RAB15: variants seen among roughly 807,000 people sequenced by gnomAD.
The protein encoded by RAB15 is ras-related protein Rab-15.
Under a neutral mutation model 31.8 loss-of-function variants are expected in RAB15, and 13 were observed. That is an observed-to-expected ratio of 0.41 (90% CI 0.27 to 0.65). RAB15 has a LOEUF of 0.65. RAB15 is among the 30% of genes least tolerant of loss of function. RAB15 has a pLI of 0.32. For missense variants in RAB15, 220 were observed against 277.3 expected, an observed-to-expected ratio of 0.79 and a Z score of 1.47; for synonymous variants, 100 against 105.6, an observed-to-expected ratio of 0.95 and a Z score of 0.33.
rs1317515088 is a variant in RAB15, at chr14:64,953,119, AAAG to A, written c.125-551_125-549del. ...TCAGCACCCAGCCAAGGCTCACCAA[AAAG>A]AAGGCCTCATGCGTCTTGGTTGCTG... On this transcript the variant is annotated intron_variant, in intron 1 of 6. Transcript: ENST00000533601. This position sits in a 1 kb window ranked among gnomAD's most constrained non-coding sequence, Gnocchi z 4.6. Among the ~76,000 whole-genome samples, 2 of 152,130 alleles carry A rather than the reference AAAG, an allele frequency of 1.3e-5. No homozygotes were observed. The highest frequency in any genetic ancestry group is 4.8e-5 in the African/African-American group (2 of 41,422).
chr14:64,948,103 G>C lies in RAB15; in HGVS notation c.*251C>G, dbSNP rs1886014640. 2.1e-5 allele frequency: 9 copies of C among 429,958 alleles called. No individual in the cohort carries two copies. Among genetic ancestry groups the C allele is most frequent in the Non-Finnish European group, 3.7e-5 (9 of 245,346 alleles). The allele number at this position is 429,958 out of a possible 1,614,324, so 26.6% of individuals were successfully genotyped here. On this transcript the variant is annotated 3_prime_UTR_variant, in exon 7 of 7. Coordinates refer to ENST00000533601, the MANE Select transcript of RAB15 (RefSeq NM_001308154.2). The surrounding 1 kb of genome is among the most constrained non-coding windows in gnomAD (Gnocchi z 7.0). ...AGACAGTGCTTGCGGCACATCGTGG[G>C]GGTCGTAGCAGGCCTGTGGCTGGGG...
At chr14:64,965,320 G>T (rs781238389) in intron 1 of RAB15, among the ~76,000 whole-genome samples, 1 of 151,992 alleles carries the variant, frequency 6.6e-6, no homozygotes, top group Non-Finnish European at 1.5e-5. Context: ...TTAGCCAGGT[G>T]TGGTGGTGCA....
chr14:64,964,614 C>T (rs1018036790), intron 1 of RAB15, among the ~76,000 whole-genome samples: 11 of 151,744 alleles, frequency 7.2e-5, no homozygotes, highest in South Asian at 2.1e-4. Flanking sequence ...CTTGCTCTGT[C>T]GCCCAGGCTG....
chr14:64,970,119 AAAC>A lies in RAB15; in HGVS notation c.124+1831_124+1833del, dbSNP rs1233175499. Among the ~76,000 whole-genome samples the A allele has an allele frequency of 6.6e-6, 1 of 152,200 alleles. No homozygotes were observed. Among genetic ancestry groups the A allele is most frequent in the Non-Finnish European group, 1.5e-5 (1 of 68,038 alleles). ...GGAATGGGACTAGGAGAGCAGGTGCAAACAACAGCTCTTCAGGCCAAAGCCAGG... is the reference window on the plus strand; with the variant it reads ...GGAATGGGACTAGGAGAGCAGGTGCAAACAGCTCTTCAGGCCAAAGCCAGG... On this transcript the variant is annotated intron_variant, in intron 1 of 6. Coordinates refer to ENST00000533601, the MANE Select transcript of RAB15 (RefSeq NM_001308154.2). This position sits in a 1 kb window ranked among gnomAD's most constrained non-coding sequence, Gnocchi z 4.1.
intron 1 of RAB15, among the ~76,000 whole-genome samples, chr14:64,963,366 G>A (rs999638520): frequency 5.9e-5 from 9 of 152,104 alleles, no homozygotes; most frequent in Admixed American, 2.0e-4. Context: ...ACTGCCTTGT[G>A]CACAGACCTC....
Position 64,950,226 on chromosome 14 carries a change from C to G in RAB15, c.414+99G>C. The G allele has an allele frequency of 1.0e-6, 1 of 973,300 alleles. No individual in the cohort carries two copies. The highest frequency in any genetic ancestry group is 1.3e-5 in the South Asian group (1 of 77,374). 60.3% of individuals were successfully genotyped at this position (973,300 alleles called of 1,614,324 possible). On this transcript the variant is annotated intron_variant, in intron 5 of 6. Transcript: ENST00000533601. The surrounding 1 kb of genome is among the most constrained non-coding windows in gnomAD (Gnocchi z 5.6). ...GGGTGCTGGGGACGTGTGGGAGGACCTGCCACTGGGGAACACACCCCTAGG... is the reference window on the plus strand; with the variant it reads ...GGGTGCTGGGGACGTGTGGGAGGACGTGCCACTGGGGAACACACCCCTAGG...
chr14:64,964,481 C>G (rs569192852), intron 1 of RAB15, among the ~76,000 whole-genome samples: 2 of 143,660 alleles, frequency 1.4e-5, no homozygotes, highest in Non-Finnish European at 3.0e-5. Context: ...GAGATCTCCA[C>G]TGCAATCCAG....
In RAB15 at chr14:64,972,043, G is replaced by C; in HGVS notation, c.34C>G (p.Leu12Val). Residue 12 changes from leucine to valine, a missense_variant, in exon 1 of 7, where the codon CTG becomes GTG. Transcript: ENST00000533601. The surrounding 1 kb of genome is among the most constrained non-coding windows in gnomAD (Gnocchi z 6.3). ...CCCACCCCGGAGTCCCCGATCAGCA[G>C]CAGCCGGAACAGCACATCGTACTGC... ...AKQYDVLFRL[L>V]LIGDSGVGKT... 6.2e-7 allele frequency: 1 copy of C among 1,611,010 alleles called. No individual in the cohort carries two copies.
chr14:64,948,008 C>T lies in RAB15; in HGVS notation c.*346G>A, dbSNP rs1017407205. 9.0e-5 allele frequency: 23 copies of T among 255,992 alleles called. No homozygotes were observed. Among genetic ancestry groups the T allele is most frequent in the South Asian group, 3.2e-4 (2 of 6,214 alleles). The allele number at this position is 255,992 out of a possible 1,614,324, so 15.9% of individuals were successfully genotyped here. On this transcript the variant is annotated 3_prime_UTR_variant, in exon 7 of 7. Transcript: ENST00000533601. This position sits in a 1 kb window ranked among gnomAD's most constrained non-coding sequence, Gnocchi z 7.0. ...AAAAGCAGAGAAGAGACACGATGCA[C>T]GGAGAAAGGAGCAGCTGAAAGTGGC...
At chr14:64,969,343 C>T (rs962359590) in intron 1 of RAB15, among the ~76,000 whole-genome samples, 1 of 152,198 alleles carries the variant, frequency 6.6e-6, no homozygotes, top group African/African-American at 2.4e-5. Flanking sequence ...CCTTGAGAAA[C>T]TGTCCATATC....
In RAB15 at chr14:64,971,986, T is replaced by C. The variant is rs747103222; in HGVS notation, c.91A>G (p.Asn31Asp). The stretch of plus-strand genomic sequence containing the variant: ...GAGATGTGCGAGGAGTGGAACTCGT[T>C]GTCGGTGAAGCGGCACAGCAGGCAG... ...KTCLLCRFTD[N>D]EFHSSHISTI... Residue 31 changes from asparagine to aspartate, a missense_variant, in exon 1 of 7, where the codon AAC (asparagine) becomes GAC (aspartate). Physicochemically the swap from Asn to Asp is conservative, Grantham distance 23 (BLOSUM62 1). Transcript: ENST00000533601. The surrounding 1 kb of genome is among the most constrained non-coding windows in gnomAD (Gnocchi z 4.1). The C allele has an allele frequency of 1.2e-6, 2 of 1,601,506 alleles. No individual in the cohort carries two copies. Among genetic ancestry groups the C allele is most frequent in the South Asian group, 2.2e-5 (2 of 89,038 alleles).
rs1425506513 is a variant in RAB15, at chr14:64,952,524, G to A, written c.172C>T (p.Arg58Trp). ...KTIEVDGIKV[R>W]IQIWDTAGQE... is the part of the protein sequence containing the mutation. ...TCCCCAGCTCACCAGATCTGTATCC[G>A]CACTTTGATGCCGTCTACCTCTATG... Residue 58 changes from arginine to tryptophan, a missense_variant, in exon 2 of 7, where the codon CGG (arginine) becomes TGG (tryptophan). By Grantham distance (101) the Arg-to-Trp change is moderately radical. Transcript: ENST00000533601. This position sits in a 1 kb window ranked among gnomAD's most constrained non-coding sequence, Gnocchi z 4.2. 5 of 1,611,304 alleles carry A rather than the reference G, an allele frequency of 3.1e-6. No individual in the cohort carries two copies. Among genetic ancestry groups the A allele is most frequent in the Admixed American group, 1.7e-5 (1 of 59,940 alleles).
In RAB15 at chr14:64,962,785, T is replaced by C. The variant is rs1433998635; in HGVS notation, c.124+9168A>G. Among the ~76,000 whole-genome samples the C allele has an allele frequency of 6.6e-6, 1 of 152,166 alleles. No individual in the cohort carries two copies. ...GGGAACTGCAGCAAGACCCCTCCCT[T>C]CTCTCAGGTCTTGTGTGGACCCTCA... On this transcript the variant is annotated intron_variant, in intron 1 of 6. Coordinates refer to ENST00000533601, the MANE Select transcript of RAB15 (RefSeq NM_001308154.2). The surrounding 1 kb of genome is among the most constrained non-coding windows in gnomAD (Gnocchi z 4.2).
intron 1 of RAB15, among the ~76,000 whole-genome samples, chr14:64,956,130 CGGTGGCTCACACCA>C (rs1886546877): frequency 6.6e-6 from 1 of 152,104 alleles, no homozygotes; most frequent in African/African-American, 2.4e-5. Flanking sequence ...TGGCCGCACG[CGGTGGCTCACACCA>C]GTAATCCCAA....
rs1365201974 is a variant in RAB15 at position 64,952,975 on chromosome 14, C to G, written c.125-404G>C. On this transcript the variant is annotated intron_variant, in intron 1 of 6. Transcript: ENST00000533601. This position sits in a 1 kb window ranked among gnomAD's most constrained non-coding sequence, Gnocchi z 4.2. ...TCTAATCTCTAGGAATAGCAACCCA[C>G]ATTATTTGCCTGCTTTCTTCCCTCT... Among the ~76,000 whole-genome samples the G allele has an allele frequency of 6.6e-6, 1 of 152,230 alleles. No homozygotes were observed. The highest frequency in any genetic ancestry group is 1.5e-5 in the Non-Finnish European group (1 of 68,036).
At position 64,951,978 on chromosome 14, in the gene RAB15, G is replaced by C. The variant is rs958482543; in HGVS notation, c.186-315C>G. 2.0e-5 allele frequency among the ~76,000 whole-genome samples: 3 copies of C among 152,166 alleles called. No homozygotes were observed. Among genetic ancestry groups the C allele is most frequent in the African/African-American group, 7.2e-5 (3 of 41,444 alleles). ...ATTTGGTTGGATGGGAGTTGGCAGG[G>C]GATGCTGCTACACCCCTAGTCCCTA... On this transcript the variant is annotated intron_variant, in intron 2 of 6. Transcript: ENST00000533601. This position sits in a 1 kb window ranked among gnomAD's most constrained non-coding sequence, Gnocchi z 7.2.
rs1886199021 is a variant in RAB15 at position 64,950,667 on chromosome 14, G to A, written c.325-253C>T. 5.0e-6 allele frequency: 3 copies of A among 598,556 alleles called. No individual in the cohort carries two copies. The highest frequency in any genetic ancestry group is 2.0e-5 in the South Asian group (1 of 50,012). The allele number at this position is 598,556 out of a possible 1,614,324, so 37.1% of individuals were successfully genotyped here. Reference sequence around the variant, plus strand: ...GGGTTAGACCACTGGTATCAGAGCTGGAAAGGACATTGGATGTAAGTCCAG... The same window carrying A: ...GGGTTAGACCACTGGTATCAGAGCTAGAAAGGACATTGGATGTAAGTCCAG... On this transcript the variant is annotated intron_variant, in intron 4 of 6. Transcript: ENST00000533601. The surrounding 1 kb of genome is among the most constrained non-coding windows in gnomAD (Gnocchi z 5.6).
chr14:64,948,417 C>T lies in RAB15; in HGVS notation c.576G>A (p.Glu192=), dbSNP rs1269185738. The part of the protein sequence containing the change: ...MRASNELALA[E]LEEEEGKPEG... ...CGGGTTTGCCCTCCTCCTCCTCCAG[C>T]TCTGCCAGTGCCAACTCATTGCTGG... Residue 192 remains glutamate (E), a synonymous_variant, in exon 7 of 7, where the codon GAG becomes GAA. Coordinates refer to ENST00000533601, the MANE Select transcript of RAB15 (RefSeq NM_001308154.2). This position sits in a 1 kb window ranked among gnomAD's most constrained non-coding sequence, Gnocchi z 7.0. 1.2e-6 allele frequency: 2 copies of T among 1,613,442 alleles called. No homozygotes were observed. The highest frequency in any genetic ancestry group is 1.3e-5 in the African/African-American group (1 of 74,926).
Position 64,952,573 on chromosome 14 carries a change from TGAAGAAAG to T in RAB15, c.125-10_125-3del, listed in dbSNP as rs765060609. 19 of 1,606,616 alleles carry T rather than the reference TGAAGAAAG, an allele frequency of 1.2e-5. No homozygotes were observed. The African/African-American group carries it at 2.5e-4, about 22-fold the overall frequency. On this transcript the variant is annotated splice_region_variant and splice_polypyrimidine_tract_variant and intron_variant, in intron 1 of 6. Transcript: ENST00000533601. The surrounding 1 kb of genome is among the most constrained non-coding windows in gnomAD (Gnocchi z 4.2). ...TGGTCTTCATCTTAAAGTCAACACC[TGAAGAAAG>T]GAAGAAAGAAAGAAAGTTAGAAAGC...
Sources: allele counts gnomAD v4.1 joint callset (sites outside exome capture counted in the v4.1 genomes callset), GRCh38; gene constraint gnomAD v4.1.1; non-coding constraint Gnocchi (gnomAD v3.1); transcripts MANE v1.5; gene names NCBI Gene and HGNC (gene_info 2026-07-23, HGNC 2026-07-21).